Variants in MINDY3 observed in about 807,000 individuals in gnomAD.
MINDY3 encodes the protein MINDY lysine 48 deubiquitinase 3.
Under a neutral mutation model 69.2 loss-of-function variants are expected in MINDY3, and 38 were observed. The ratio of observed to expected loss-of-function variants is 0.55; its 90% CI spans 0.42 to 0.72. The LOEUF is 0.72. Among genes scored for constraint, MINDY3 ranks in the 30% least tolerant of loss-of-function variants. The pLI, the probability that MINDY3 is intolerant of heterozygous loss-of-function variation, is 0.00. For synonymous variants in MINDY3, 192 were observed against 180.1 expected (o/e 1.07, Z -0.53); for missense variants, 522 against 519.0 (o/e 1.01, Z -0.06).
At position 15,834,640 on chromosome 10, in the gene MINDY3, T is replaced by A. The variant is rs774634927; in HGVS notation, c.577-24A>T. 1.7e-4 allele frequency: 265 copies of A among 1,551,236 alleles called. 1 individual carries two copies. The highest frequency in any genetic ancestry group is 2.0e-4 in the Non-Finnish European group (229 of 1,126,142). On this transcript the variant is annotated intron_variant, in intron 6 of 14. Transcript: ENST00000277632. ...CCCTAAAGAAACAGAATTCATTGAC[T>A]TATTTTAAAAAACTAAAATGAAAAT...
chr10:15,847,888 G>A lies in MINDY3; in HGVS notation c.150C>T (p.Pro50=). 1 of 1,613,962 alleles carries A rather than the reference G, an allele frequency of 6.2e-7. No individual in the cohort carries two copies. ...GSALEQFEGG[P]CAVIAPVQAF... is the part of the protein sequence containing the mutation. ...CCTGAACAGGTGCAATAACAGCACA[G>A]GGGCCACCTTCAAACTGTTCTAATG... is the stretch of plus-strand genomic sequence containing the variant. The change falls in exon 2 of 15, where the codon CCC becomes CCT. Residue 50 remains proline (P), a synonymous_variant. Coordinates refer to ENST00000277632, the MANE Select transcript of MINDY3 (RefSeq NM_024948.4).
rs140140984 is a variant in MINDY3, at chr10:15,843,240, C to T, written c.207G>A (p.Ser69=). Residue 69 remains serine, a synonymous_variant, in exon 3 of 15, where the codon TCG becomes TCA. Coordinates refer to ENST00000277632, the MANE Select transcript of MINDY3 (RefSeq NM_024948.4). The part of the protein sequence containing the change: ...AFLLKKLLFS[S]EKSSWRDCSE... Reference sequence around the variant, plus strand: ...AACAATCCCGCCAAGAAGACTTCTCCGAAGAAAACAGGAGCTTCTTCAAAA... The same window carrying T: ...AACAATCCCGCCAAGAAGACTTCTCTGAAGAAAACAGGAGCTTCTTCAAAA... 111 of 1,612,646 alleles carry T rather than the reference C, an allele frequency of 6.9e-5. No homozygotes were observed. The highest frequency in any genetic ancestry group is 7.8e-5 in the Non-Finnish European group (92 of 1,179,004).
intron 3 of MINDY3, among the ~76,000 whole-genome samples, chr10:15,842,040 A>T (rs1177615050): frequency 6.6e-6 from 1 of 151,714 alleles, no homozygotes; most frequent in African/African-American, 2.4e-5. Context: ...TCCCAAAGGG[A>T]TAAGAATAAT....
At chr10:15,836,235 C>T (rs930696279) in intron 6 of MINDY3, among the ~76,000 whole-genome samples, 6 of 151,986 alleles carry the variant, frequency 3.9e-5, no homozygotes, top group African/African-American at 1.2e-4. Flanking sequence ...GTGCCCACTG[C>T]TGGAAAAAAT....
At chr10:15,850,632 T>C (rs2132129995) in intron 1 of MINDY3, among the ~76,000 whole-genome samples, 1 of 152,304 alleles carries the variant, frequency 6.6e-6, no homozygotes, top group African/African-American at 2.4e-5. Flanking sequence ...TCAGACCGGT[T>C]GTCTGCTCTC....
intron 10 of MINDY3, among the ~76,000 whole-genome samples, chr10:15,812,644 G>C (rs758685594): frequency 2.6e-5 from 4 of 152,104 alleles, no homozygotes; most frequent in African/African-American, 4.8e-5. Flanking sequence ...TCTTTGGAGG[G>C]AAATACAAGA....
At chr10:15,821,632 A>G in intron 9 of MINDY3, 24 bp downstream of exon 9, 1 of 1,568,938 alleles carries the variant, frequency 6.4e-7, no homozygotes. Context: ...AAAAACATTC[A>G]AAGTACCTTA....
At chr10:15,841,738 T>C in intron 3 of MINDY3, 139 bp from the exon 4 acceptor site, 1 of 523,718 alleles carries the variant, frequency 1.9e-6, no homozygotes, top group Non-Finnish European at 3.3e-6. Context: ...AAATAGATTT[T>C]AAATTATGTC....
chr10:15,828,553 G>A (rs571565330), intron 8 of MINDY3, among the ~76,000 whole-genome samples: 57 of 149,840 alleles, frequency 3.8e-4, no homozygotes, highest in African/African-American at 1.3e-3. Flanking sequence ...ACATGCATAC[G>A]TGAGTATCTC....
chr10:15,799,973 G>A (rs1838142753), intron 10 of MINDY3, among the ~76,000 whole-genome samples: 1 of 152,092 alleles, frequency 6.6e-6, no homozygotes, highest in South Asian at 2.1e-4. Flanking sequence ...ACTTATGGAA[G>A]CAGATTCCTT....
intron 10 of MINDY3, among the ~76,000 whole-genome samples, chr10:15,806,485 T>C (rs1368413869): frequency 6.6e-6 from 1 of 152,160 alleles, no homozygotes; most frequent in African/African-American, 2.4e-5. Context: ...AAGGTTTGCA[T>C]GATTACAAAT....
intron 1 of MINDY3, chr10:15,857,988 TG>T: frequency 1.0e-6 from 1 of 966,828 alleles, no homozygotes; most frequent in African/African-American, 1.8e-5. Context: ...AAGCCAGAGT[TG>T]ATGTCACATT....
rs547388496 is a variant in MINDY3 at position 15,786,508 on chromosome 10, C to T, written c.1116+53G>A. 8.5e-6 allele frequency: 9 copies of T among 1,062,722 alleles called. No individual in the cohort carries two copies. The South Asian group carries it at 1.1e-4, about 13-fold the overall frequency. The allele number at this position is 1,062,722 out of a possible 1,614,324, so 65.8% of individuals were successfully genotyped here. The stretch of plus-strand genomic sequence containing the variant: ...AAAGAGAAAATGCTGCAAACAATCA[C>T]AGGTAATCATCCCAACAGAATAACA... On this transcript the variant is annotated intron_variant, in intron 13 of 14. Transcript: ENST00000277632.
At chr10:15,819,011 A>G (rs1035995407) in intron 9 of MINDY3, among the ~76,000 whole-genome samples, 2 of 152,186 alleles carry the variant, frequency 1.3e-5, no homozygotes, top group African/African-American at 4.8e-5. Context: ...CTTTTTTAAA[A>G]AAGTAGAGTC....
At chr10:15,850,055 C>G (rs1834170548) in intron 1 of MINDY3, among the ~76,000 whole-genome samples, 1 of 152,134 alleles carries the variant, frequency 6.6e-6, no homozygotes, top group Non-Finnish European at 1.5e-5. Context: ...TATCAGTTCC[C>G]CAAATTAATA....
At chr10:15,841,747 T>C in intron 3 of MINDY3, 148 bp from the exon 4 acceptor site, 1 of 520,436 alleles carries the variant, frequency 1.9e-6, no homozygotes, top group Non-Finnish European at 3.3e-6. Context: ...TTAAATTATG[T>C]CTTAGAAAAA....
intron 1 of MINDY3, among the ~76,000 whole-genome samples, chr10:15,849,992 A>T (rs1564530912): frequency 3.3e-5 from 5 of 152,302 alleles, no homozygotes; most frequent in African/African-American, 1.2e-4. Context: ...GAATGGAGGG[A>T]CCTGCTGAAG....
rs1000446501 is a variant in MINDY3 at position 15,817,039 on chromosome 10, G to T, written c.802-124C>A. 1.1e-5 allele frequency: 8 copies of T among 710,242 alleles called. No homozygotes were observed. The African/African-American group carries it at 1.3e-4, about 11-fold the overall frequency. 44.0% of individuals were successfully genotyped at this position (710,242 alleles called of 1,614,324 possible). ...GTATTTAACTGAAATAATGTATTGT[G>T]CCCGAGCACTTCACCCATAGAGATC... On this transcript the variant is annotated intron_variant, in intron 9 of 14. Coordinates refer to ENST00000277632, the MANE Select transcript of MINDY3 (RefSeq NM_024948.4).
intron 9 of MINDY3, among the ~76,000 whole-genome samples, chr10:15,819,815 A>G (rs141028097): frequency 1.3e-5 from 2 of 152,358 alleles, no homozygotes; most frequent in African/African-American, 4.8e-5. Flanking sequence ...CTGCTAAAAC[A>G]CTACAGCAAT....
Sources: allele counts gnomAD v4.1 joint callset (sites outside exome capture counted in the v4.1 genomes callset), GRCh38; gene constraint gnomAD v4.1.1; transcripts MANE v1.5; gene names NCBI Gene and HGNC (gene_info 2026-07-23, HGNC 2026-07-21).